Variants in ADAMTS9 observed in about 807,000 individuals in gnomAD.
The protein encoded by ADAMTS9 is ADAM metallopeptidase with thrombospondin type 1 motif 9.
In ADAMTS9, 107 loss-of-function variants were observed where a neutral mutation model predicts 257.1. The observed-to-expected ratio is 0.42, with a 90% confidence interval of 0.36 to 0.49. The LOEUF is 0.49. Among genes scored for constraint, ADAMTS9 ranks in the 20% least tolerant of loss-of-function variants. The pLI, the probability that ADAMTS9 is intolerant of heterozygous loss-of-function variation, is 0.03. For synonymous variants in ADAMTS9, 982 were observed against 880.9 expected (o/e 1.11, Z -2.03); for missense variants, 2,353 against 2,469.1 (o/e 0.95, Z 1.00).
At chr3:64,634,014 A>C in intron 12 of ADAMTS9, 135 bp from the exon 13 acceptor site, 1 of 784,350 alleles carries the variant, frequency 1.3e-6, no homozygotes. Flanking sequence ...AATGGGCAAG[A>C]GCTCTGATCC....
chr3:64,684,030 G>C (rs1037307029), intron 2 of ADAMTS9, among the ~76,000 whole-genome samples: 1 of 152,150 alleles, frequency 6.6e-6, no homozygotes, highest in Non-Finnish European at 1.5e-5. Flanking sequence ...AGATGAGTGA[G>C]AAGACCAAGT....
chr3:64,545,284 T>G (rs1431704979), intron 32 of ADAMTS9, among the ~76,000 whole-genome samples: 1 of 152,224 alleles, frequency 6.6e-6, no homozygotes, highest in Non-Finnish European at 1.5e-5. Context: ...TTATAAATCA[T>G]GCTGCTATAA....
chr3:64,568,374 C>T lies in ADAMTS9; in HGVS notation c.4518G>A (p.Trp1506Ter). The change falls in exon 29 of 40, where the codon TGG (tryptophan) becomes TGA (stop). Residue 1506 changes from tryptophan to a stop codon, truncating the protein, a stop_gained. Coordinates refer to ENST00000498707, the MANE Select transcript of ADAMTS9 (RefSeq NM_182920.2). LOFTEE classifies it high-confidence loss of function. Reference protein sequence around the residue: ...GRCPKWKAGAWSQCSVSCGRG... With the variant: ...GRCPKWKAGA ...GAGGAGAAGCATTGCTCACCTGACT[C>T]CAAGCGCCAGCTTTCCATTTGGGGC... 1 of 1,609,670 alleles carries T rather than the reference C, an allele frequency of 6.2e-7. No individual in the cohort carries two copies. The highest frequency in any genetic ancestry group is 8.5e-7 in the Non-Finnish European group (1 of 1,178,804).
intron 3 of ADAMTS9, 54 bp downstream of exon 3, chr3:64,681,147 G>A (rs1156294784): frequency 2.6e-6 from 4 of 1,566,604 alleles, no homozygotes; most frequent in Non-Finnish European, 2.6e-6. Flanking sequence ...CTGTAGTATA[G>A]CAATTTACCC....
intron 23 of ADAMTS9, 30 bp downstream of exon 23, chr3:64,606,930 C>G (rs749657425): frequency 2.5e-6 from 4 of 1,612,036 alleles, no homozygotes; most frequent in East Asian, 4.5e-5. Context: ...TCCCCAAAGT[C>G]AATAACTGAG....
At chr3:64,632,546 C>T (rs909685991) in intron 14 of ADAMTS9, among the ~76,000 whole-genome samples, 8 of 152,192 alleles carry the variant, frequency 5.3e-5, no homozygotes, top group Admixed American at 4.6e-4. Flanking sequence ...CATCGAGTGG[C>T]CTGCTGAATT....
rs749201678 is a variant in ADAMTS9 at position 64,561,589 on chromosome 3, C to T, written c.4687G>A (p.Glu1563Lys). 5 of 1,613,100 alleles carry T rather than the reference C, an allele frequency of 3.1e-6. No homozygotes were observed. Among genetic ancestry groups the T allele is most frequent in the East Asian group, 2.2e-5 (1 of 44,868 alleles). Residue 1563 changes from glutamate (E) to lysine (K), a missense_variant, in exon 30 of 40, where the codon GAA (glutamate) becomes AAA (lysine). Coordinates refer to ENST00000498707, the MANE Select transcript of ADAMTS9 (RefSeq NM_182920.2). Reference protein sequence around the residue: ...RCPLYTWRAEEWQECTKTCGE... With the variant: ...RCPLYTWRAEKWQECTKTCGE... ...GTGGCTCTACTTACTTCTTGCCATTCCTCTGCCCTCCAAGTGTAGAGGGGA... is the reference window on the plus strand; with the variant it reads ...GTGGCTCTACTTACTTCTTGCCATTTCTCTGCCCTCCAAGTGTAGAGGGGA...
chr3:64,574,574 A>AAG (rs1553704862), intron 28 of ADAMTS9, among the ~76,000 whole-genome samples: 15 of 151,342 alleles, frequency 9.9e-5, no homozygotes, highest in Admixed American at 5.9e-4. Context: ...AAAAAAAAAA[A>AAG]AAAGAAAAAT....
chr3:64,646,932 G>A (rs1367420993), intron 11 of ADAMTS9, among the ~76,000 whole-genome samples: 1 of 152,126 alleles, frequency 6.6e-6, no homozygotes, highest in Non-Finnish European at 1.5e-5. Context: ...GAAGTTTCTT[G>A]TCTATAAGAT....
intron 23 of ADAMTS9, among the ~76,000 whole-genome samples, chr3:64,605,714 G>A (rs1429612657): frequency 6.6e-6 from 1 of 152,030 alleles, no homozygotes; most frequent in Non-Finnish European, 1.5e-5. Flanking sequence ...GCTGGTGAGT[G>A]GTTATCCACC....
In ADAMTS9 at chr3:64,687,196, C is replaced by G. The variant is rs1463311459; in HGVS notation, c.116-228G>C. Among the ~76,000 whole-genome samples, 1 of 152,078 alleles carries G rather than the reference C, an allele frequency of 6.6e-6. No individual in the cohort carries two copies. The highest frequency in any genetic ancestry group is 6.5e-5 in the Admixed American group (1 of 15,274). ...ATTCCGAGCCAGACAATTAACAAGT[C>G]AAAATATATATGATTTCAGATATTG... is the stretch of plus-strand genomic sequence containing the variant. On this transcript the variant is annotated intron_variant, in intron 1 of 39. Transcript: ENST00000498707. The surrounding 1 kb of genome is among the most constrained non-coding windows in gnomAD (Gnocchi z 4.4).
At chr3:64,564,967 G>A (rs758112308) in intron 29 of ADAMTS9, among the ~76,000 whole-genome samples, 11 of 152,158 alleles carry the variant, frequency 7.2e-5, no homozygotes, top group South Asian at 2.1e-4. Context: ...GCGAATGTGC[G>A]TTTGCGATCC....
chr3:64,575,581 G>A (rs796355190), intron 28 of ADAMTS9, among the ~76,000 whole-genome samples: 18 of 152,276 alleles, frequency 1.2e-4, no homozygotes, highest in African/African-American at 4.3e-4. Flanking sequence ...AGCTGGGGTG[G>A]TGGGGAGGGT....
At chr3:64,576,077 A>G (rs1034113526) in intron 28 of ADAMTS9, among the ~76,000 whole-genome samples, 1 of 152,188 alleles carries the variant, frequency 6.6e-6, no homozygotes, top group Non-Finnish European at 1.5e-5. Context: ...GAGCAGTTAT[A>G]TACGTTGAAG....
chr3:64,653,281 C>G (rs559129739), intron 8 of ADAMTS9, among the ~76,000 whole-genome samples: 12 of 152,298 alleles, frequency 7.9e-5, no homozygotes, highest in Admixed American at 6.5e-4. Context: ...TCAGAAACCA[C>G]GAGGATAGAG....
intron 3 of ADAMTS9, among the ~76,000 whole-genome samples, chr3:64,675,842 A>C (rs1701611936): frequency 6.6e-6 from 1 of 152,182 alleles, no homozygotes; most frequent in Non-Finnish European, 1.5e-5. Context: ...AATGCTGACC[A>C]ATGTATTACA....
At chr3:64,535,737 G>T (rs1280498008) in intron 37 of ADAMTS9, among the ~76,000 whole-genome samples, 1 of 151,846 alleles carries the variant, frequency 6.6e-6, no homozygotes, top group Non-Finnish European at 1.5e-5. Flanking sequence ...TTTTGGTAGA[G>T]ATGGAGTTTC....
intron 3 of ADAMTS9, among the ~76,000 whole-genome samples, chr3:64,668,690 T>C (rs754003240): frequency 1.2e-4 from 19 of 152,298 alleles, no homozygotes; most frequent in South Asian, 1.0e-3. Flanking sequence ...CTCTCATTAC[T>C]TAGAATGAGC....
At chr3:64,578,926 C>G (rs1427923580) in intron 28 of ADAMTS9, among the ~76,000 whole-genome samples, 1 of 152,194 alleles carries the variant, frequency 6.6e-6, no homozygotes, top group African/African-American at 2.4e-5. Flanking sequence ...TGAGTTACTA[C>G]AATGGTCTTA....
Sources: allele counts gnomAD v4.1 joint callset (sites outside exome capture counted in the v4.1 genomes callset), GRCh38; gene constraint gnomAD v4.1.1; non-coding constraint Gnocchi (gnomAD v3.1); transcripts MANE v1.5; gene names NCBI Gene and HGNC (gene_info 2026-07-23, HGNC 2026-07-21).